Variants in TAF1B observed in about 807,000 individuals in gnomAD.
TAF1B encodes TATA box-binding protein-associated factor RNA polymerase I subunit B.
In TAF1B, 61 loss-of-function variants were observed where a neutral mutation model predicts 83.9. That is an observed-to-expected ratio of 0.73 (90% CI 0.59 to 0.90). The LOEUF (loss-of-function observed/expected upper bound fraction) is 0.90, where lower values mean the gene tolerates loss of function less well. Among genes scored for constraint, TAF1B ranks in the 40% least tolerant of loss-of-function variants. The probability of loss-of-function intolerance (pLI) is 0.00; values close to 1 mark genes in which losing one functional copy is unlikely to be tolerated. For synonymous variants in TAF1B, 221 were observed against 224.6 expected (o/e 0.98, Z 0.14); for missense variants, 625 against 677.0 (o/e 0.92, Z 0.85).
intron 8 of TAF1B, among the ~76,000 whole-genome samples, chr2:9,886,303 T>C (rs1267794592): frequency 6.6e-6 from 1 of 152,258 alleles, no homozygotes; most frequent in African/African-American, 2.4e-5. Flanking sequence ...TTTCTCTTGA[T>C]CTGCAGTCCA....
chr2:9,868,640 GTT>G (rs762465007), intron 6 of TAF1B: 7 of 734,778 alleles, frequency 9.5e-6, no homozygotes, highest in Non-Finnish European at 1.5e-5. Flanking sequence ...CTCCATGTGA[GTT>G]TTTTGTGTGT....
intron 14 of TAF1B, among the ~76,000 whole-genome samples, chr2:9,921,245 C>A (rs895053582): frequency 6.6e-6 from 1 of 152,140 alleles, no homozygotes; most frequent in African/African-American, 2.4e-5. Flanking sequence ...GTGTGCACCA[C>A]CATACCCAGC....
chr2:9,875,868 C>A lies in TAF1B; in HGVS notation c.557C>A (p.Thr186Lys). ...AAATCTCCATTTATCTCCTAAGAAA[C>A]GTCTGTCTGCTCTGGATCTCTGGAT... The part of the protein sequence containing the change: ...FPVSKASQSE[T>K]SVCSGSLDGV... The change falls in exon 7 of 15, where the codon ACG (threonine) becomes AAG (lysine). Residue 186 changes from threonine to lysine, a missense_variant. Coordinates refer to ENST00000263663, the MANE Select transcript of TAF1B (RefSeq NM_005680.3). 1 of 1,578,608 alleles carries A rather than the reference C, an allele frequency of 6.3e-7. No individual in the cohort carries two copies. The highest frequency in any genetic ancestry group is 1.7e-5 in the Admixed American group (1 of 58,024).
chr2:9,845,208 C>G lies in TAF1B; in HGVS notation c.19-12C>G, dbSNP rs929513512. On this transcript the variant is annotated splice_polypyrimidine_tract_variant and intron_variant, in intron 1 of 14. Transcript: ENST00000263663. ...TTGATGGGAACACCTTTTCTGTCCT[C>G]TTCTCCCATAGGAAGAGTTTAAAGA... 6.2e-7 allele frequency: 1 copy of G among 1,603,802 alleles called. No individual in the cohort carries two copies. Among genetic ancestry groups the G allele is most frequent in the African/African-American group, 1.4e-5 (1 of 73,738 alleles).
chr2:9,860,849 G>A (rs1163719455), intron 5 of TAF1B, among the ~76,000 whole-genome samples: 1 of 152,182 alleles, frequency 6.6e-6, no homozygotes, highest in African/African-American at 2.4e-5. Flanking sequence ...AGACTGAGAG[G>A]AGAGAAATTG....
chr2:9,847,312 G>A (rs1248717357), intron 2 of TAF1B, among the ~76,000 whole-genome samples: 3 of 152,166 alleles, frequency 2.0e-5, no homozygotes, highest in South Asian at 2.1e-4. Flanking sequence ...AAAAAGTTAC[G>A]TGTTGCACAA....
chr2:9,859,832 A>G (rs1468301137), intron 5 of TAF1B, among the ~76,000 whole-genome samples: 1 of 152,108 alleles, frequency 6.6e-6, no homozygotes, highest in Admixed American at 6.6e-5. Flanking sequence ...ATTTTCCAGT[A>G]TCTTTATGGT....
In TAF1B at chr2:9,911,556, A is replaced by C. The variant is rs1665534564; in HGVS notation, c.1179A>C (p.Lys393Asn). 1 of 1,519,680 alleles carries C rather than the reference A, an allele frequency of 6.6e-7. No homozygotes were observed. Among genetic ancestry groups the C allele is most frequent in the Non-Finnish European group, 8.9e-7 (1 of 1,125,932 alleles). 94.1% of individuals were successfully genotyped at this position (1,519,680 alleles called of 1,614,324 possible). A position where few individuals can be genotyped will look rare whatever the true frequency, so the allele number is the denominator to read the frequency against. The change falls in exon 11 of 15, where the codon AAA becomes AAC. Residue 393 changes from lysine to asparagine, a missense_variant and splice_region_variant. Physicochemically the swap from Lys to Asn is moderately conservative, Grantham distance 94. Coordinates refer to ENST00000263663, the MANE Select transcript of TAF1B (RefSeq NM_005680.3). ...LAEKHNEKNK[K>N]DKPWFDFRKW... ...AAAAGCATAATGAAAAGAACAAAAA[A>C]GGTATTTTAATTTTTTATCATTCAA... is the stretch of plus-strand genomic sequence containing the variant.
chr2:9,886,497 C>A (rs1037748464), intron 8 of TAF1B, among the ~76,000 whole-genome samples: 11 of 152,146 alleles, frequency 7.2e-5, no homozygotes, highest in African/African-American at 2.7e-4. Context: ...AGTTTATATG[C>A]TTGGAAATGG....
intron 14 of TAF1B, among the ~76,000 whole-genome samples, chr2:9,931,419 A>G (rs898555309): frequency 6.6e-6 from 1 of 152,058 alleles, no homozygotes; most frequent in African/African-American, 2.4e-5. Flanking sequence ...TTTCTCCTCC[A>G]CTTATGAAGC....
At chr2:9,933,344 C>G (rs72784405) in intron 14 of TAF1B, among the ~76,000 whole-genome samples, 12,344 of 152,276 alleles carry the variant, frequency 0.081, 598 homozygotes, top group Middle Eastern at 0.15. Flanking sequence ...TCTTCTCTCA[C>G]AATACATATA....
intron 8 of TAF1B, 22 bp downstream of exon 8, chr2:9,882,827 T>A: frequency 6.5e-7 from 1 of 1,529,772 alleles, no homozygotes; most frequent in Non-Finnish European, 8.9e-7. Context: ...TCTTTTTTAC[T>A]TTCTAGTCTC....
At chr2:9,921,370 G>A (rs1665873574) in intron 14 of TAF1B, among the ~76,000 whole-genome samples, 1 of 152,202 alleles carries the variant, frequency 6.6e-6, no homozygotes, top group African/African-American at 2.4e-5. Flanking sequence ...GGGATTACAG[G>A]TGTGAGCCAC....
At chr2:9,900,690 G>A (rs183554001) in intron 8 of TAF1B, among the ~76,000 whole-genome samples, 1 of 152,278 alleles carries the variant, frequency 6.6e-6, no homozygotes, top group Admixed American at 6.5e-5. Context: ...GACCAGGCTT[G>A]GAGGTGGAGT....
At chr2:9,893,866 T>C (rs1162982713) in intron 8 of TAF1B, among the ~76,000 whole-genome samples, 2 of 152,184 alleles carry the variant, frequency 1.3e-5, no homozygotes, top group African/African-American at 2.4e-5. Flanking sequence ...TACAACCATA[T>C]TGGCAATGTT....
intron 11 of TAF1B, among the ~76,000 whole-genome samples, chr2:9,912,128 G>T (rs4669493): frequency 0.51 from 78,251 of 152,112 alleles, 23,134 homozygotes; most frequent in Non-Finnish European, 0.68. Context: ...GCCTAAGTAC[G>T]TCTGTCCCTA....
At chr2:9,913,671 C>T (rs986135852) in intron 12 of TAF1B, 1 of 153,184 alleles carries the variant, frequency 6.5e-6, no homozygotes, top group South Asian at 2.1e-4. Flanking sequence ...GAATGTTCCC[C>T]CAAAATAAAG....
At position 9,924,622 on chromosome 2, in the gene TAF1B, G is replaced by A. The variant is rs1279057855; in HGVS notation, c.1565+4802G>A. On this transcript the variant is annotated intron_variant, in intron 14 of 14. Transcript: ENST00000263663. ...TTCTAATGTTTCTACAATAAAAACA[G>A]GCAACTGTAATAATATCATTGTAAA... Among the ~76,000 whole-genome samples the A allele has an allele frequency of 2.0e-5, 3 of 152,192 alleles. No individual in the cohort carries two copies. In the East Asian group the frequency reaches 5.8e-4, roughly 29 times the overall value.
In TAF1B at chr2:9,913,065, C is replaced by G. The variant is rs867629563; in HGVS notation, c.1181-94C>G. 1.0e-5 allele frequency: 10 copies of G among 988,800 alleles called. No individual in the cohort carries two copies. The Middle Eastern group carries it at 2.1e-3, about 205-fold the overall frequency. The allele number at this position is 988,800 out of a possible 1,614,324, so 61.3% of individuals were successfully genotyped here. A position where few individuals can be genotyped will look rare whatever the true frequency, so the allele number is the denominator to read the frequency against. The stretch of plus-strand genomic sequence containing the variant: ...TTGATCACACACTCACACCAACTGC[C>G]CAGTGCAGTCAATTAATGAAAACTC... On this transcript the variant is annotated intron_variant, in intron 11 of 14. Transcript: ENST00000263663.
Sources: gnomAD v4.1 joint callset for allele counts (sites outside exome capture counted in the v4.1 genomes callset) on GRCh38, gnomAD v4.1.1 for gene constraint, MANE v1.5 for transcripts, NCBI Gene and HGNC (gene_info 2026-07-23, HGNC 2026-07-21) for gene names.